NCAPD3: variants seen among roughly 807,000 people sequenced by gnomAD.
NCAPD3 encodes non-SMC condensin II complex subunit D3, also known as condensin-2 complex subunit D3.
Under a neutral mutation model 182.9 loss-of-function variants are expected in NCAPD3, and 105 were observed. The observed-to-expected ratio is 0.57, with a 90% CI of 0.49 to 0.68. The LOEUF (loss-of-function observed/expected upper bound fraction) is 0.68, where lower values mean the gene tolerates loss of function less well. Ranked by LOEUF, NCAPD3 falls within the 30% of genes least tolerant of loss-of-function variation. The pLI, the probability that NCAPD3 is intolerant of heterozygous loss-of-function variation, is 0.00. For synonymous variants in NCAPD3, 815 were observed against 679.9 expected (o/e 1.20, Z -3.09); for missense variants, 1,944 against 1,837.0 (o/e 1.06, Z -1.07).
At chr11:134,219,530 A>G (rs1026092628) in intron 2 of NCAPD3, among the ~76,000 whole-genome samples, 9 of 152,308 alleles carry the variant, frequency 5.9e-5, no homozygotes, top group African/African-American at 2.2e-4. Flanking sequence ...GCTTAGTGTT[A>G]TGCTGAAGGA....
chr11:134,194,207 T>C, intron 14 of NCAPD3, 57 bp from the exon 15 acceptor site: 1 of 1,550,082 alleles, frequency 6.5e-7, no homozygotes, highest in Non-Finnish European at 8.8e-7. Flanking sequence ...CTCACAAAGA[T>C]AAACTGTTAA....
chr11:134,203,088 C>T, intron 12 of NCAPD3, 54 bp downstream of exon 12: 1 of 1,392,464 alleles, frequency 7.2e-7, no homozygotes, highest in Non-Finnish European at 1.0e-6. Context: ...TTAAATATTC[C>T]ACAAATTTTT....
chr11:134,175,245 G>C (rs1944133356), intron 24 of NCAPD3, among the ~76,000 whole-genome samples: 1 of 152,152 alleles, frequency 6.6e-6, no homozygotes. Flanking sequence ...TTACCTCCCA[G>C]GTGCATCATC....
At position 134,199,883 on chromosome 11, in the gene NCAPD3, G is replaced by A. The variant is rs118060871; in HGVS notation, c.1615+2933C>T. 9.9e-5 allele frequency among the ~76,000 whole-genome samples: 15 copies of A among 152,230 alleles called. No homozygotes were observed. In the East Asian group the frequency reaches 2.5e-3, roughly 25 times the overall value. On this transcript the variant is annotated intron_variant, in intron 13 of 34. Transcript: ENST00000534548. The stretch of plus-strand genomic sequence containing the variant: ...TGTGGTACATAAAGACAGATATATA[G>A]ATTAATGAAATAAAATTCCATTAAT...
chr11:134,199,679 G>A (rs972363940), intron 13 of NCAPD3, among the ~76,000 whole-genome samples: 2 of 152,184 alleles, frequency 1.3e-5, no homozygotes, highest in African/African-American at 4.8e-5. Context: ...TGTTACGTAA[G>A]TGGAGTTCTA....
intron 1 of NCAPD3, among the ~76,000 whole-genome samples, chr11:134,222,521 G>A (rs893292760): frequency 6.6e-6 from 1 of 152,140 alleles, no homozygotes; most frequent in Non-Finnish European, 1.5e-5. Flanking sequence ...GGAAATACAG[G>A]ATTTTTGTGA....
chr11:134,167,886 C>T (rs549844940), intron 27 of NCAPD3, 110 bp downstream of exon 27: 1 of 1,036,232 alleles, frequency 9.7e-7, no homozygotes, highest in South Asian at 1.5e-5. Flanking sequence ...GGGGGAGGTG[C>T]ACACTCACTT....
chr11:134,193,959 G>A, intron 15 of NCAPD3, 57 bp downstream of exon 15: 1 of 1,525,754 alleles, frequency 6.6e-7, no homozygotes, highest in South Asian at 1.2e-5. Context: ...ATTATTGTGT[G>A]GAATTACTTT....
intron 13 of NCAPD3, among the ~76,000 whole-genome samples, chr11:134,200,689 A>C (rs78590653): frequency 6.6e-6 from 1 of 152,212 alleles, no homozygotes; most frequent in African/African-American, 2.4e-5. Flanking sequence ...TGTTGAATAT[A>C]GAGTTACCAT....
chr11:134,154,638 G>A (rs112393339), intron 32 of NCAPD3, among the ~76,000 whole-genome samples: 11,407 of 149,490 alleles, frequency 0.076, 1,617 homozygotes, highest in African/African-American at 0.27. Context: ...GGGTGGTGCT[G>A]TACCCAGTGC....
At position 134,151,095 on chromosome 11, in the gene NCAPD3, G is replaced by GTAA; in HGVS notation, c.*1848_*1849insTTA. On this transcript the variant is annotated 3_prime_UTR_variant, in exon 35 of 35. Transcript: ENST00000534548. ...AAGTGCTGTAAAGCAAGGAGCTGCT[G>GTAA]AGAAGGAGCACTCCACTGTGTGCCT... 1 of 152,414 alleles carries GTAA rather than the reference G, an allele frequency of 6.6e-6. No homozygotes were observed. Among genetic ancestry groups the GTAA allele is most frequent in the East Asian group, 1.9e-4 (1 of 5,192 alleles). The allele number at this position is 152,414 out of a possible 1,614,324, so 9.4% of individuals were successfully genotyped here.
At chr11:134,172,648 G>A (rs937334436) in intron 24 of NCAPD3, among the ~76,000 whole-genome samples, 1 of 152,126 alleles carries the variant, frequency 6.6e-6, no homozygotes, top group African/African-American at 2.4e-5. Flanking sequence ...GTACTTGGCT[G>A]TTGCCCTGTG....
intron 26 of NCAPD3, 89 bp from the exon 27 acceptor site, chr11:134,168,284 C>T: frequency 6.9e-7 from 1 of 1,451,462 alleles, no homozygotes; most frequent in Non-Finnish European, 9.6e-7. Flanking sequence ...GGGGGGCCAT[C>T]TGAGGCTGTC....
At chr11:134,155,773 C>T (rs1282209633) in intron 32 of NCAPD3, among the ~76,000 whole-genome samples, 1 of 151,794 alleles carries the variant, frequency 6.6e-6, no homozygotes, top group Non-Finnish European at 1.5e-5. Flanking sequence ...CTCTAACACA[C>T]AGAACATCGC....
At chr11:134,206,399 T>C (rs1937616712) in intron 8 of NCAPD3, among the ~76,000 whole-genome samples, 200 bp downstream of exon 8, 1 of 152,150 alleles carries the variant, frequency 6.6e-6, no homozygotes, top group Admixed American at 6.5e-5. Context: ...TTCCTATCTC[T>C]TTAACAGTGC....
intron 14 of NCAPD3, 23 bp from the exon 15 acceptor site, chr11:134,194,173 G>C (rs1160429035): frequency 6.2e-7 from 1 of 1,609,876 alleles, no homozygotes; most frequent in Admixed American, 1.7e-5. Flanking sequence ...GACGCAACAT[G>C]AACTGTTAAC....
chr11:134,166,922 A>C (rs1943835557), intron 27 of NCAPD3, among the ~76,000 whole-genome samples: 1 of 125,206 alleles, frequency 8.0e-6, no homozygotes, highest in African/African-American at 3.2e-5. Context: ...CACACTCGTG[A>C]GATGAGCTTA....
rs1376285766 is a variant in NCAPD3, at chr11:134,217,034, T to C, written c.284A>G (p.His95Arg). 1.9e-6 allele frequency: 3 copies of C among 1,613,848 alleles called. No homozygotes were observed. Among genetic ancestry groups the C allele is most frequent in the Non-Finnish European group, 2.5e-6 (3 of 1,179,906 alleles). ...SHSTLVALFY[H>R]FVQIVHKKNV... is the part of the protein sequence containing the mutation. ...CTTCTTATGAACTATTTGAACAAAA[T>C]GATAGAACAATGCCACCAGTGTACT... The change falls in exon 3 of 35, where the codon CAT (histidine) becomes CGT (arginine). Residue 95 changes from histidine to arginine, a missense_variant. Physicochemically the swap from His to Arg is conservative, Grantham distance 29. Around this residue, in one of 3 missense-constraint regions of NCAPD3, gnomAD observed 131 missense variants for 133.9 expected, o/e 0.98. Coordinates refer to ENST00000534548, the MANE Select transcript of NCAPD3 (RefSeq NM_015261.3).
Position 134,181,163 on chromosome 11 carries a change from C to T in NCAPD3, c.2473G>A (p.Gly825Arg). Reference protein sequence around the residue: ...EEQELLTQVCGDVLSTCEHRL... With the variant: ...EEQELLTQVCRDVLSTCEHRL... ...TGCTCGCAGGTGGAGAGTACATCCCCACACACCTGCGTCAGCAATTCCTAC... is the reference window on the plus strand; with the variant it reads ...TGCTCGCAGGTGGAGAGTACATCCCTACACACCTGCGTCAGCAATTCCTAC... Residue 825 changes from glycine to arginine, a missense_variant, in exon 20 of 35, where the codon GGG (glycine) becomes AGG (arginine). By Grantham distance (125) the Gly-to-Arg change is moderately radical (BLOSUM62 -2). Transcript: ENST00000534548. 1 of 1,613,868 alleles carries T rather than the reference C, an allele frequency of 6.2e-7. No homozygotes were observed. The highest frequency in any genetic ancestry group is 8.5e-7 in the Non-Finnish European group (1 of 1,179,846).
Sources: allele counts gnomAD v4.1 joint callset (sites outside exome capture counted in the v4.1 genomes callset), GRCh38; gene constraint gnomAD v4.1.1; regional missense constraint gnomAD v4.1.1; transcripts MANE v1.5; gene names NCBI Gene and HGNC (gene_info 2026-07-23, HGNC 2026-07-21).